ASNS: variants seen among roughly 807,000 people sequenced by gnomAD.
ASNS encodes asparagine synthetase [glutamine-hydrolyzing].
ASNS carries 37 observed loss-of-function variants against 62.6 expected under a neutral mutation model. The observed-to-expected ratio is 0.59, with a 90% CI of 0.45 to 0.78. The LOEUF (loss-of-function observed/expected upper bound fraction) is 0.78. ASNS is among the 30% of genes least tolerant of loss of function. ASNS has a pLI of 0.00. For missense variants in ASNS, 520 were observed against 682.4 expected (o/e 0.76, Z 2.65); for synonymous variants, 207 against 237.9 (o/e 0.87, Z 1.19).
chr7:97,887,689 C>T, the ASNS span, among the ~76,000 whole-genome samples: 1 of 151,472 alleles, frequency 6.6e-6, no homozygotes, highest in African/African-American at 2.4e-5. Context: ...CTAGATTGAC[C>T]AATCCTCAGC....
At chr7:97,883,214 CA>C in the ASNS span, among the ~76,000 whole-genome samples, 10 of 145,508 alleles carry the variant, frequency 6.9e-5, no homozygotes, top group Non-Finnish European at 1.0e-4. Flanking sequence ...TAAATTAGGG[CA>C]AAAAAAAAAT....
the ASNS span, among the ~76,000 whole-genome samples, chr7:97,922,058 T>G: frequency 6.6e-6 from 1 of 152,154 alleles, no homozygotes; most frequent in Non-Finnish European, 1.5e-5. Flanking sequence ...CTCACTTATA[T>G]GTGAAATCTA....
chr7:97,859,404 A>C lies in ASNS; in HGVS notation c.488-6T>G. 1 of 1,595,480 alleles carries C rather than the reference A, an allele frequency of 6.3e-7. No homozygotes were observed. The highest frequency in any genetic ancestry group is 8.6e-7 in the Non-Finnish European group (1 of 1,169,420). ...GTGCTTCAATGTAACAAGACCTAGA[A>C]ATTCACAATGATACCTTTATTCAAA... is the stretch of plus-strand genomic sequence containing the variant. On this transcript the variant is annotated splice_polypyrimidine_tract_variant and splice_region_variant and intron_variant, in intron 4 of 12. Transcript: ENST00000394308.
At chr7:97,865,492 G>C (rs111758863) in intron 3 of ASNS, among the ~76,000 whole-genome samples, 2 of 152,236 alleles carry the variant, frequency 1.3e-5, no homozygotes, top group African/African-American at 2.4e-5. Context: ...GTCTTGGAAG[G>C]CTCTCTTTGA....
the ASNS span, among the ~76,000 whole-genome samples, chr7:97,905,978 C>T: frequency 6.6e-5 from 10 of 152,168 alleles, no homozygotes; most frequent in Non-Finnish European, 1.0e-4. Context: ...ATGCAGATGG[C>T]TATGAAGTTT....
At chr7:97,914,462 T>C in the ASNS span, among the ~76,000 whole-genome samples, 1 of 152,138 alleles carries the variant, frequency 6.6e-6, no homozygotes, top group Non-Finnish European at 1.5e-5. Flanking sequence ...ACAGAAGATG[T>C]TGAGTGATGA....
the ASNS span, among the ~76,000 whole-genome samples, chr7:97,921,894 C>T: frequency 6.6e-6 from 1 of 152,178 alleles, no homozygotes; most frequent in Non-Finnish European, 1.5e-5. Context: ...GTCTCCATTA[C>T]ACTTCCAGCA....
chr7:97,921,652 C>T, the ASNS span, among the ~76,000 whole-genome samples: 3 of 152,194 alleles, frequency 2.0e-5, no homozygotes, highest in Non-Finnish European at 4.4e-5. Context: ...CCATCCTTTG[C>T]CATCTCATGC....
At chr7:97,915,231 A>G in the ASNS span, among the ~76,000 whole-genome samples, 1 of 152,180 alleles carries the variant, frequency 6.6e-6, no homozygotes, top group Non-Finnish European at 1.5e-5. Context: ...CACCTGTCCT[A>G]AAATTGTCTC....
the ASNS span, among the ~76,000 whole-genome samples, chr7:97,886,314 A>AT: frequency 1.2e-4 from 18 of 151,318 alleles, no homozygotes; most frequent in Non-Finnish European, 2.4e-4. Flanking sequence ...TGCCCGGCTA[A>AT]TTTTTTTTTA....
the ASNS span, among the ~76,000 whole-genome samples, chr7:97,922,548 T>C: frequency 3.9e-5 from 6 of 152,180 alleles, no homozygotes; most frequent in Admixed American, 2.0e-4. Flanking sequence ...CAACATAACA[T>C]ACACTTGGAA....
chr7:97,898,163 TG>T, the ASNS span, among the ~76,000 whole-genome samples: 1 of 152,110 alleles, frequency 6.6e-6, no homozygotes, highest in Non-Finnish European at 1.5e-5. Context: ...GGTGCAATCT[TG>T]GCTCACTGCA....
the ASNS span, among the ~76,000 whole-genome samples, chr7:97,916,576 T>C: frequency 1.3e-5 from 2 of 152,064 alleles, no homozygotes; most frequent in African/African-American, 4.8e-5. Context: ...TCCAAGACAA[T>C]AGGCTGCGTG....
At chr7:97,901,634 C>A in the ASNS span, among the ~76,000 whole-genome samples, 1 of 152,232 alleles carries the variant, frequency 6.6e-6, no homozygotes, top group African/African-American at 2.4e-5. Context: ...TTCCCACAGA[C>A]TGTGGCCCAA....
chr7:97,885,421 T>C, the ASNS span, among the ~76,000 whole-genome samples: 1 of 152,206 alleles, frequency 6.6e-6, no homozygotes, highest in Admixed American at 6.5e-5. Context: ...AAGTGGTGGG[T>C]CATAGAACTC....
At chr7:97,890,800 A>C in the ASNS span, among the ~76,000 whole-genome samples, 1 of 152,214 alleles carries the variant, frequency 6.6e-6, no homozygotes, top group Non-Finnish European at 1.5e-5. Flanking sequence ...AGATAAGCAA[A>C]AGACTGTTTG....
chr7:97,855,393 C>G lies in ASNS; in HGVS notation c.1097G>C (p.Gly366Ala). ...TDSVVIFSGEGSDELTQGYIY... is the reference protein window; with the variant it reads ...TDSVVIFSGEASDELTQGYIY... The stretch of plus-strand genomic sequence containing the variant: ...GTAACCCTGCGTAAGTTCATCTGAT[C>G]CTTCTCCAGAGAAGATCACCACGCT... The change falls in exon 9 of 13, where the codon GGA becomes GCA. Residue 366 changes from glycine (G) to alanine (A), a missense_variant. By Grantham distance (60) the Gly-to-Ala change is moderately conservative. Transcript: ENST00000394308. 6.2e-7 allele frequency: 1 copy of G among 1,612,650 alleles called. No individual in the cohort carries two copies. The highest frequency in any genetic ancestry group is 1.1e-5 in the South Asian group (1 of 90,966).
chr7:97,891,637 C>T, the ASNS span, among the ~76,000 whole-genome samples: 6 of 152,162 alleles, frequency 3.9e-5, no homozygotes, highest in South Asian at 2.1e-4. Context: ...ATTGTCAAAA[C>T]AAAGGGGCTA....
the ASNS span, among the ~76,000 whole-genome samples, chr7:97,889,300 C>T: frequency 6.6e-6 from 1 of 152,094 alleles, no homozygotes; most frequent in Admixed American, 6.6e-5. Context: ...GGGTAGATCA[C>T]GAGGTCAGGA....
Sources: gnomAD v4.1 joint callset for allele counts (sites outside exome capture counted in the v4.1 genomes callset) on GRCh38, gnomAD v4.1.1 for gene constraint, MANE v1.5 for transcripts, NCBI Gene and HGNC (gene_info 2026-07-23, HGNC 2026-07-21) for gene names.